KLF12: variants seen among roughly 807,000 people sequenced by gnomAD.
KLF12 encodes KLF transcription factor 12.
KLF12 carries 9 observed loss-of-function variants against 37.8 expected under a neutral mutation model. The ratio of observed to expected loss-of-function variants is 0.24; its 90% CI spans 0.14 to 0.42. The LOEUF is 0.42. Among genes scored for constraint, KLF12 ranks in the 10% least tolerant of loss-of-function variants. The pLI is 1.00. For missense variants in KLF12, 411 were observed against 516.0 expected, an observed-to-expected ratio of 0.80 and a Z score of 1.97; for synonymous variants, 208 against 202.1, an observed-to-expected ratio of 1.03 and a Z score of -0.25.
At position 73,961,211 on chromosome 13, in the gene KLF12, A is replaced by G. The variant is rs576281128; in HGVS notation, c.34-17141T>C. Reference sequence around the variant, plus strand: ...GGAAATGTTTTTTGAGAAAATTCCTAGAGAGTTATTATGAAGAGGACTGTG... The same window carrying G: ...GGAAATGTTTTTTGAGAAAATTCCTGGAGAGTTATTATGAAGAGGACTGTG... On this transcript the variant is annotated intron_variant, in intron 2 of 7. Coordinates refer to ENST00000377669, the MANE Select transcript of KLF12 (RefSeq NM_007249.5). Among the ~76,000 whole-genome samples the G allele has an allele frequency of 2.0e-5, 3 of 152,292 alleles. No homozygotes were observed. The South Asian group carries it at 6.2e-4, about 32-fold the overall frequency.
At chr13:73,755,848 G>A (rs529041949) in intron 6 of KLF12, among the ~76,000 whole-genome samples, 2 of 151,998 alleles carry the variant, frequency 1.3e-5, no homozygotes, top group Non-Finnish European at 2.9e-5. Context: ...GAGAACATAC[G>A]ATGTTTGGTT....
At chr13:73,799,037 T>C (rs186652219) in intron 5 of KLF12, among the ~76,000 whole-genome samples, 1 of 152,190 alleles carries the variant, frequency 6.6e-6, no homozygotes, top group Admixed American at 6.5e-5. Context: ...ACAGACTGGA[T>C]AAAGAAAACG....
the KLF12 span, among the ~76,000 whole-genome samples, chr13:74,145,615 G>C: frequency 6.6e-6 from 1 of 152,134 alleles, no homozygotes; most frequent in Non-Finnish European, 1.5e-5. Context: ...TTACAATCAT[G>C]TGCTAATAAA....
chr13:73,842,911 C>T (rs908855291), intron 4 of KLF12, among the ~76,000 whole-genome samples: 31 of 152,136 alleles, frequency 2.0e-4, no homozygotes, highest in African/African-American at 7.0e-4. Context: ...AGGCAGGCTT[C>T]TTCCACTAGA....
the KLF12 span, among the ~76,000 whole-genome samples, chr13:74,156,083 C>T: frequency 3.3e-5 from 5 of 152,226 alleles, no homozygotes; most frequent in Non-Finnish European, 7.3e-5. Flanking sequence ...CTTGTCCATC[C>T]TTCAGATGCT....
intron 5 of KLF12, among the ~76,000 whole-genome samples, chr13:73,798,716 A>G (rs1882126996): frequency 6.6e-6 from 1 of 152,180 alleles, no homozygotes; most frequent in Non-Finnish European, 1.5e-5. Context: ...CACAATGAGG[A>G]GCATCTCCCA....
At chr13:73,807,004 G>A (rs542547701) in intron 5 of KLF12, among the ~76,000 whole-genome samples, 2 of 152,064 alleles carry the variant, frequency 1.3e-5, no homozygotes, top group East Asian at 3.9e-4. Context: ...GTTAAATACA[G>A]TTTTCTAAAT....
At chr13:74,040,402 G>C (rs1013161997) in intron 1 of KLF12, among the ~76,000 whole-genome samples, 1 of 152,166 alleles carries the variant, frequency 6.6e-6, no homozygotes, top group Non-Finnish European at 1.5e-5. Flanking sequence ...CACTCCTGAC[G>C]ACTGACACCC....
intron 1 of KLF12, among the ~76,000 whole-genome samples, chr13:74,068,710 T>C (rs1277147525): frequency 2.0e-5 from 3 of 152,150 alleles, no homozygotes; most frequent in African/African-American, 7.2e-5. Context: ...GCATGCGTCA[T>C]AACACTCAGC....
intron 3 of KLF12, among the ~76,000 whole-genome samples, chr13:73,870,036 A>T (rs1434533110): frequency 6.6e-6 from 1 of 152,218 alleles, no homozygotes; most frequent in Non-Finnish European, 1.5e-5. Context: ...GTTGAACTAA[A>T]AGAACTTTTC....
At chr13:73,832,110 A>C (rs1884192179) in intron 4 of KLF12, among the ~76,000 whole-genome samples, 1 of 152,204 alleles carries the variant, frequency 6.6e-6, no homozygotes, top group South Asian at 2.1e-4. Flanking sequence ...GAGTACATGT[A>C]ATGTAGACAA....
the KLF12 span, among the ~76,000 whole-genome samples, chr13:74,205,349 G>A: frequency 6.6e-6 from 1 of 152,090 alleles, no homozygotes; most frequent in East Asian, 1.9e-4. Flanking sequence ...GATATGAAAA[G>A]TAACTTATTC....
chr13:74,102,789 C>A (rs1054240159), intron 1 of KLF12, among the ~76,000 whole-genome samples: 2 of 152,128 alleles, frequency 1.3e-5, no homozygotes, highest in Admixed American at 1.3e-4. Flanking sequence ...GAGGACATGA[C>A]AGGGAATGAC....
intron 3 of KLF12, among the ~76,000 whole-genome samples, chr13:73,911,025 C>T (rs1157501625): frequency 6.6e-6 from 1 of 152,136 alleles, no homozygotes; most frequent in Non-Finnish European, 1.5e-5. Flanking sequence ...TTGGACTTCT[C>T]AGCCTCCAAA....
the KLF12 span, among the ~76,000 whole-genome samples, chr13:74,235,910 T>A: frequency 1.7e-4 from 26 of 148,990 alleles, 1 homozygote; most frequent in African/African-American, 5.8e-4. Flanking sequence ...TTTTATTTTT[T>A]AATTTTTTTA....
chr13:74,029,368 T>C (rs1017786424), intron 1 of KLF12, among the ~76,000 whole-genome samples: 2 of 152,122 alleles, frequency 1.3e-5, no homozygotes, highest in African/African-American at 4.8e-5. Context: ...CCATGATTGG[T>C]CAACTACTTA....
intron 5 of KLF12, among the ~76,000 whole-genome samples, chr13:73,804,886 C>G (rs992254820): frequency 6.6e-6 from 1 of 152,184 alleles, no homozygotes; most frequent in African/African-American, 2.4e-5. Context: ...AAAAACGAAG[C>G]ATCTTTTAAT....
chr13:73,842,319 C>T (rs746428173), intron 4 of KLF12, among the ~76,000 whole-genome samples: 21 of 152,228 alleles, frequency 1.4e-4, no homozygotes, highest in South Asian at 2.1e-4. Context: ...CTGGGCAACT[C>T]CCTGGCTGGT....
the KLF12 span, among the ~76,000 whole-genome samples, chr13:74,237,924 C>G: frequency 6.6e-6 from 1 of 151,528 alleles, no homozygotes; most frequent in Non-Finnish European, 1.5e-5. Context: ...AATTGAATAC[C>G]CTTTATTTCC....
Sources: gnomAD v4.1 joint callset for allele counts (sites outside exome capture counted in the v4.1 genomes callset) on GRCh38, gnomAD v4.1.1 for gene constraint, MANE v1.5 for transcripts, NCBI Gene and HGNC (gene_info 2026-07-23, HGNC 2026-07-21) for gene names.